PPARGC1B: variants seen among roughly 807,000 people sequenced by gnomAD.
The protein encoded by PPARGC1B is PPARG coactivator 1 beta.
Under a neutral mutation model 101.6 loss-of-function variants are expected in PPARGC1B, and 34 were observed. That is an observed-to-expected ratio of 0.33 (90% confidence interval 0.25 to 0.45). The LOEUF (loss-of-function observed/expected upper bound fraction) is 0.45. Ranked by LOEUF, PPARGC1B falls within the 20% of genes least tolerant of loss-of-function variation. The pLI is 1.00. For missense variants in PPARGC1B, 1,234 were observed against 1,317.6 expected (o/e 0.94, Z 0.98); for synonymous variants, 548 against 539.3 (o/e 1.02, Z -0.22).
chr5:149,768,765 C>T (rs1195127289), intron 1 of PPARGC1B, among the ~76,000 whole-genome samples: 2 of 151,680 alleles, frequency 1.3e-5, no homozygotes, highest in African/African-American at 4.8e-5. Context: ...ATCCACCCAC[C>T]TCGGCCTCCC....
In PPARGC1B at chr5:149,833,186, T is replaced by G; in HGVS notation, c.1113T>G (p.Pro371=). 3 of 1,613,348 alleles carry G rather than the reference T, an allele frequency of 1.9e-6. No homozygotes were observed. Among genetic ancestry groups the G allele is most frequent in the Non-Finnish European group, 2.5e-6 (3 of 1,180,006 alleles). The stretch of plus-strand genomic sequence containing the variant: ...CGCCTGTTTATGCCTCCCTCACACC[T>G]CGGTCAAGGCCCAGGCCCCCCAAAG... ...LATPVYASLT[P]RSRPRPPKDS... The change falls in exon 5 of 12, where the codon CCT becomes CCG. Residue 371 remains proline (P), a synonymous_variant. Transcript: ENST00000309241. The surrounding 1 kb of genome is among the most constrained non-coding windows in gnomAD (Gnocchi z 4.1).
At chr5:149,842,000 A>C (rs1030609463) in intron 9 of PPARGC1B, among the ~76,000 whole-genome samples, 4 of 152,132 alleles carry the variant, frequency 2.6e-5, no homozygotes, top group Admixed American at 2.0e-4. Flanking sequence ...CCCCCTTCCT[A>C]GCCCCAGTCT....
At position 149,832,356 on chromosome 5, in the gene PPARGC1B, A is replaced by G. The variant is rs955533781; in HGVS notation, c.583-300A>G. 1.3e-5 allele frequency among the ~76,000 whole-genome samples: 2 copies of G among 151,994 alleles called. No individual in the cohort carries two copies. Among genetic ancestry groups the G allele is most frequent in the East Asian group, 1.9e-4 (1 of 5,176 alleles). On this transcript the variant is annotated intron_variant, in intron 4 of 11. Transcript: ENST00000309241. The surrounding 1 kb of genome is among the most constrained non-coding windows in gnomAD (Gnocchi z 4.9). ...ACTGCCCGGCTCTTGGCTGAGGGGT[A>G]CGGAGCAGGGAGGCGGAATGGTCAG... is the stretch of plus-strand genomic sequence containing the variant.
At chr5:149,778,611 G>A (rs1446894849) in intron 1 of PPARGC1B, among the ~76,000 whole-genome samples, 1 of 152,150 alleles carries the variant, frequency 6.6e-6, no homozygotes, top group South Asian at 2.1e-4. Flanking sequence ...TAAATGAGCT[G>A]CAGTCTCAGC....
At chr5:149,771,905 C>A in intron 1 of PPARGC1B, 1 of 873,960 alleles carries the variant, frequency 1.1e-6, no homozygotes, top group Non-Finnish European at 1.6e-6. Flanking sequence ...AGTGATGTCA[C>A]TGAACGTTGT....
chr5:149,838,571 C>T (rs1561627625), intron 8 of PPARGC1B, among the ~76,000 whole-genome samples: 1 of 152,354 alleles, frequency 6.6e-6, no homozygotes, highest in African/African-American at 2.4e-5. Context: ...TGTTGAAATA[C>T]ATCCCCCAAG....
intron 2 of PPARGC1B, among the ~76,000 whole-genome samples, chr5:149,825,732 A>G (rs1250801225): frequency 6.6e-6 from 1 of 152,182 alleles, no homozygotes; most frequent in Non-Finnish European, 1.5e-5. Flanking sequence ...GCTGTTTATC[A>G]CCAGCGTCCA....
At position 149,750,453 on chromosome 5, in the gene PPARGC1B, A is replaced by AATAT. The variant is rs55971526; in HGVS notation, c.78+20066_78+20069dup. On this transcript the variant is annotated intron_variant, in intron 1 of 11. Transcript: ENST00000309241. ...TAGCTGTCTTCTCTGTTTTAGTTAA[A>AATAT]ATATATATATATATATATATATATA... Among the ~76,000 whole-genome samples the AATAT allele has an allele frequency of 9.6e-3, 1,184 of 123,030 alleles. 19 individuals carry two copies. Among genetic ancestry groups the AATAT allele is most frequent in the East Asian group, 0.033 (129 of 3,876 alleles). 80.7% of individuals were successfully genotyped at this position (123,030 alleles called of 152,430 possible).
At chr5:149,808,584 C>T (rs1474763899) in intron 1 of PPARGC1B, among the ~76,000 whole-genome samples, 1 of 152,018 alleles carries the variant, frequency 6.6e-6, no homozygotes, top group East Asian at 1.9e-4. Context: ...AGCGTTTTTG[C>T]CCCCCACAGA....
At chr5:149,785,082 T>C (rs17600407) in intron 1 of PPARGC1B, among the ~76,000 whole-genome samples, 21,184 of 152,236 alleles carry the variant, frequency 0.14, 1,584 homozygotes, top group East Asian at 0.24. Context: ...CAAGGGGTTC[T>C]CTATACTAAC....
intron 1 of PPARGC1B, among the ~76,000 whole-genome samples, chr5:149,795,649 G>T (rs186351774): frequency 1.3e-5 from 2 of 152,154 alleles, no homozygotes; most frequent in African/African-American, 4.8e-5. Flanking sequence ...GGCAGAGGAC[G>T]CAGGAGGGCG....
chr5:149,814,888 C>T (rs1561575956), intron 1 of PPARGC1B, among the ~76,000 whole-genome samples: 1 of 152,174 alleles, frequency 6.6e-6, no homozygotes, highest in Non-Finnish European at 1.5e-5. Flanking sequence ...AGGGGGTGAG[C>T]AGGCACGTTG....
intron 1 of PPARGC1B, among the ~76,000 whole-genome samples, chr5:149,818,399 G>A (rs920101895): frequency 6.6e-6 from 1 of 152,198 alleles, no homozygotes; most frequent in Admixed American, 6.5e-5. Context: ...GGTGGGCAGG[G>A]TGGTGGGGCC....
chr5:149,835,799 A>G (rs1301889383), intron 7 of PPARGC1B, among the ~76,000 whole-genome samples: 3 of 152,200 alleles, frequency 2.0e-5, no homozygotes, highest in Non-Finnish European at 2.9e-5. Flanking sequence ...AATGGATTTC[A>G]TCACATGCCA....
At chr5:149,798,786 T>C (rs939301105) in intron 1 of PPARGC1B, among the ~76,000 whole-genome samples, 3 of 152,238 alleles carry the variant, frequency 2.0e-5, no homozygotes, top group African/African-American at 7.2e-5. Context: ...TTTCCTCATC[T>C]GTAGAGTGGA....
At chr5:149,753,973 C>T (rs567339211) in intron 1 of PPARGC1B, among the ~76,000 whole-genome samples, 14 of 152,184 alleles carry the variant, frequency 9.2e-5, no homozygotes, top group Admixed American at 4.6e-4. Flanking sequence ...GGATTACAGG[C>T]GTGAGCCACC....
intron 1 of PPARGC1B, among the ~76,000 whole-genome samples, chr5:149,757,721 G>T (rs1755585267): frequency 6.6e-6 from 1 of 152,194 alleles, no homozygotes; most frequent in South Asian, 2.1e-4. Flanking sequence ...GGGCTAACTG[G>T]GTTGCTTAAT....
chr5:149,857,398 C>T (rs55928983), downstream of PPARGC1B, among the ~76,000 whole-genome samples: 121 of 152,174 alleles, frequency 8.0e-4, no homozygotes, highest in Non-Finnish European at 1.1e-3. Flanking sequence ...AGGAACCTGC[C>T]GAAGGGACTC....
intron 10 of PPARGC1B, among the ~76,000 whole-genome samples, chr5:149,843,762 C>A (rs543822267): frequency 9.2e-5 from 14 of 152,236 alleles, no homozygotes; most frequent in Non-Finnish European, 1.2e-4. Context: ...AACAGATGAA[C>A]AGATAAACAA....
Sources: gnomAD v4.1 joint callset for allele counts (sites outside exome capture counted in the v4.1 genomes callset) on GRCh38, gnomAD v4.1.1 for gene constraint, Gnocchi (gnomAD v3.1) non-coding constraint, MANE v1.5 for transcripts, NCBI Gene and HGNC (gene_info 2026-07-23, HGNC 2026-07-21) for gene names.